Variants in TTC27 observed in about 807,000 individuals in gnomAD.
The protein encoded by TTC27 is tetratricopeptide repeat domain 27.
A neutral mutation model predicts 115.9 loss-of-function variants in TTC27; 79 were observed. The observed-to-expected ratio is 0.68, with a 90% CI of 0.57 to 0.82. TTC27 has a LOEUF of 0.82. Among genes scored for constraint, TTC27 ranks in the 40% least tolerant of loss-of-function variants. The probability of loss-of-function intolerance (pLI) is 0.00; values close to 1 mark genes in which losing one functional copy is unlikely to be tolerated. For missense variants in TTC27, 1,054 were observed against 993.1 expected (o/e 1.06, Z -0.82); for synonymous variants, 401 against 356.0 (o/e 1.13, Z -1.42).
chr2:32,702,982 A>T, intron 10 of TTC27, 62 bp downstream of exon 10: 1 of 1,143,742 alleles, frequency 8.7e-7, no homozygotes, highest in Non-Finnish European at 1.3e-6. Flanking sequence ...CAGTAAGCAT[A>T]CATGTTTGCT....
intron 14 of TTC27, among the ~76,000 whole-genome samples, chr2:32,781,169 G>A (rs373839680): frequency 4.6e-5 from 7 of 152,162 alleles, no homozygotes; most frequent in African/African-American, 1.7e-4. Context: ...CTGGTTTCAG[G>A]TTACGACAAG....
At chr2:32,643,156 C>T (rs1664720522) in intron 4 of TTC27, among the ~76,000 whole-genome samples, 3 of 151,686 alleles carry the variant, frequency 2.0e-5, no homozygotes, top group South Asian at 2.1e-4. Context: ...TTTTAATACA[C>T]GGATTTCAAC....
chr2:32,723,970 G>GTTTTTTTTTTTTTTTTTT (rs1668025651), intron 10 of TTC27, among the ~76,000 whole-genome samples: 2 of 66,284 alleles, frequency 3.0e-5, no homozygotes. Flanking sequence ...GCATACATAA[G>GTTTTTTTTTTTTTTTTTT]CTTTTTTTTT....
At chr2:32,678,468 C>A (rs1234221755) in intron 8 of TTC27, among the ~76,000 whole-genome samples, 5 of 151,762 alleles carry the variant, frequency 3.3e-5, no homozygotes, top group African/African-American at 1.2e-4. Context: ...CGCTCTGTTG[C>A]CCAGGCTGGA....
intron 9 of TTC27, among the ~76,000 whole-genome samples, chr2:32,700,309 C>A (rs1199109612): frequency 6.6e-6 from 1 of 152,118 alleles, no homozygotes; most frequent in Non-Finnish European, 1.5e-5. Context: ...CAAGTAACTT[C>A]CCCAGGTCAC....
intron 7 of TTC27, among the ~76,000 whole-genome samples, chr2:32,669,746 C>T (rs1665937253): frequency 1.3e-5 from 2 of 151,526 alleles, no homozygotes; most frequent in African/African-American, 4.8e-5. Context: ...ATTATCCGGG[C>T]GTGGTGGTGT....
chr2:32,655,845 G>T (rs187430829), intron 5 of TTC27, among the ~76,000 whole-genome samples: 1 of 151,532 alleles, frequency 6.6e-6, no homozygotes, highest in South Asian at 2.1e-4. Flanking sequence ...AACTAGAGCT[G>T]TACTATTCAA....
intron 14 of TTC27, among the ~76,000 whole-genome samples, chr2:32,778,564 A>G (rs765270135): frequency 3.9e-5 from 6 of 152,202 alleles, no homozygotes; most frequent in Non-Finnish European, 7.3e-5. Flanking sequence ...AGATTCACCT[A>G]TTATGAACAT....
At chr2:32,636,458 CCCG>C (rs1202543922) in intron 3 of TTC27, among the ~76,000 whole-genome samples, 5 of 152,314 alleles carry the variant, frequency 3.3e-5, no homozygotes, top group African/African-American at 1.2e-4. Context: ...AGGTGATCCA[CCCG>C]CCTCGGCCTC....
At chr2:32,634,026 G>A (rs1233524949) in intron 3 of TTC27, 21 bp downstream of exon 3, 1 of 1,602,316 alleles carries the variant, frequency 6.2e-7, no homozygotes, top group Non-Finnish European at 8.5e-7. Flanking sequence ...TGAAAATGTT[G>A]TATGTAATTA....
chr2:32,708,456 C>G (rs541702442), intron 10 of TTC27, among the ~76,000 whole-genome samples: 2 of 151,070 alleles, frequency 1.3e-5, no homozygotes, highest in African/African-American at 4.9e-5. Context: ...GGACTACAGG[C>G]GTGTGCCACC....
intron 12 of TTC27, among the ~76,000 whole-genome samples, chr2:32,755,509 T>C (rs1271085390): frequency 6.6e-6 from 1 of 151,394 alleles, no homozygotes; most frequent in African/African-American, 2.4e-5. Context: ...GGCAGGGAGG[T>C]TGCAGTGAGC....
intron 10 of TTC27, among the ~76,000 whole-genome samples, chr2:32,717,166 G>A (rs928489273): frequency 3.3e-5 from 5 of 151,718 alleles, no homozygotes; most frequent in Non-Finnish European, 5.9e-5. Flanking sequence ...TTGAGACAGG[G>A]TCCTACTACA....
chr2:32,746,138 A>T (rs939044617), intron 12 of TTC27, among the ~76,000 whole-genome samples: 2 of 152,190 alleles, frequency 1.3e-5, no homozygotes, highest in Non-Finnish European at 2.9e-5. Flanking sequence ...TTTGCATCTG[A>T]AAAGATTCTT....
chr2:32,815,875 A>G, intron 18 of TTC27, among the ~76,000 whole-genome samples: 1 of 152,354 alleles, frequency 6.6e-6, no homozygotes, highest in Non-Finnish European at 1.5e-5. Context: ...GAGAAATGTC[A>G]AAGTCTAATT....
At chr2:32,659,222 T>C (rs1462500977) in intron 5 of TTC27, among the ~76,000 whole-genome samples, 2 of 152,198 alleles carry the variant, frequency 1.3e-5, no homozygotes, top group Non-Finnish European at 2.9e-5. Flanking sequence ...CACCTAGGTC[T>C]TCCTAAGCAC....
chr2:32,697,473 A>G (rs1433276263), intron 9 of TTC27, among the ~76,000 whole-genome samples: 1 of 152,202 alleles, frequency 6.6e-6, no homozygotes, highest in Non-Finnish European at 1.5e-5. Flanking sequence ...CTTTTACTGA[A>G]CAGTAAAGAA....
At chr2:32,709,196 A>G (rs907020955) in intron 10 of TTC27, among the ~76,000 whole-genome samples, 5 of 152,238 alleles carry the variant, frequency 3.3e-5, no homozygotes, top group African/African-American at 9.6e-5. Context: ...TTATGTAAAT[A>G]TATGCCCCTC....
chr2:32,668,252 C>G (rs1228150446), intron 7 of TTC27, among the ~76,000 whole-genome samples: 1 of 151,382 alleles, frequency 6.6e-6, no homozygotes, highest in Non-Finnish European at 1.5e-5. Flanking sequence ...TGCCTGTAAT[C>G]CCAGCTACTT....
Sources: allele counts gnomAD v4.1 joint callset (sites outside exome capture counted in the v4.1 genomes callset), GRCh38; gene constraint gnomAD v4.1.1; transcripts MANE v1.5; gene names NCBI Gene and HGNC (gene_info 2026-07-23, HGNC 2026-07-21).